RXYLT1: variants seen among roughly 807,000 people sequenced by gnomAD.
RXYLT1 encodes ribitol-5-phosphate xylosyltransferase 1.
Under a neutral mutation model 43.5 loss-of-function variants are expected in RXYLT1, and 41 were observed. The ratio of observed to expected loss-of-function variants is 0.94; its 90% CI spans 0.73 to 1.22. The LOEUF (loss-of-function observed/expected upper bound fraction) is 1.22, where lower values mean the gene tolerates loss of function less well. Ranked by LOEUF, RXYLT1 falls within the 50% of genes most tolerant of loss-of-function variation. The pLI is 0.00. For missense variants in RXYLT1, 514 were observed against 532.0 expected, an observed-to-expected ratio of 0.97 and a Z score of 0.33; for synonymous variants, 166 against 194.4, an observed-to-expected ratio of 0.85 and a Z score of 1.21.
intron 2 of RXYLT1, among the ~76,000 whole-genome samples, chr12:63,782,114 T>A (rs1897698460): frequency 6.6e-6 from 1 of 152,178 alleles, no homozygotes. Context: ...ATCTGATAAG[T>A]GCAAAGTGGC....
intron 2 of RXYLT1, among the ~76,000 whole-genome samples, chr12:63,783,978 C>T (rs1897745163): frequency 6.6e-6 from 1 of 152,068 alleles, no homozygotes; most frequent in Non-Finnish European, 1.5e-5. Context: ...TTATATATCC[C>T]TTGCCTCACT....
intron 1 of RXYLT1, 172 bp downstream of exon 1, chr12:63,780,301 A>G: frequency 5.9e-6 from 8 of 1,354,062 alleles, no homozygotes; most frequent in Non-Finnish European, 7.5e-6. Context: ...GAATTGGAGA[A>G]TGGTCCTCAT....
intron 3 of RXYLT1, among the ~76,000 whole-genome samples, chr12:63,792,615 T>G (rs1315206488): frequency 6.6e-6 from 1 of 152,220 alleles, no homozygotes; most frequent in Non-Finnish European, 1.5e-5. Flanking sequence ...TATTGTCTTA[T>G]TTTAAAATGG....
Position 63,802,362 on chromosome 12 carries a change from A to G in RXYLT1, c.700A>G (p.Ile234Val). The G allele has an allele frequency of 6.3e-7, 1 of 1,597,476 alleles. No individual in the cohort carries two copies. Among genetic ancestry groups the G allele is most frequent in the South Asian group, 1.1e-5 (1 of 89,204 alleles). ...LLFIIYDSPW[I>V]NDVDVFQWPL... ...TTTCATAATATATGACAGCCCCTGG[A>G]TTAATGACGTGGATGTTTTTCAGTG... Residue 234 changes from isoleucine (I) to valine (V), a missense_variant, in exon 4 of 6, where the codon ATT becomes GTT. Coordinates refer to ENST00000261234, the MANE Select transcript of RXYLT1 (RefSeq NM_014254.3).
chr12:63,781,048 A>G lies in RXYLT1; in HGVS notation c.199A>G (p.Asn67Asp), dbSNP rs1226821141. The change falls in exon 2 of 6, where the codon AAT (asparagine) becomes GAT (aspartate). Residue 67 changes from asparagine (N) to aspartate (D), a missense_variant. Transcript: ENST00000261234. ...GTCCACTTTGGAAAGTGAAGAATGG[A>G]ATCCTTGGGAAGGAGATGAAAAAAA... ...EQSTLESEEW[N>D]PWEGDEKNEQ... The G allele has an allele frequency of 6.2e-7, 1 of 1,606,006 alleles. No individual in the cohort carries two copies. Among genetic ancestry groups the G allele is most frequent in the Admixed American group, 1.7e-5 (1 of 58,420 alleles).
chr12:63,795,285 A>AAGAAGAAG (rs1565903311), intron 3 of RXYLT1, among the ~76,000 whole-genome samples: 13 of 150,170 alleles, frequency 8.7e-5, no homozygotes, highest in South Asian at 2.1e-4. Context: ...TGTCAAAAAA[A>AAGAAGAAG]AAGAAGAAGA....
Position 63,808,867 on chromosome 12 carries a change from C to T in RXYLT1, c.1107C>T (p.His369=), listed in dbSNP as rs746733953. ...AGNCGNTSVH[H]GAPLQLLKSM... ...ACTGTGGGAATACATCTGTGCACCA[C>T]GGTGCTCCTCTGCAGTTACTCAAGT... The change falls in exon 6 of 6, where the codon CAC becomes CAT. Residue 369 remains histidine, a synonymous_variant. Transcript: ENST00000261234. 8.1e-6 allele frequency: 13 copies of T among 1,614,156 alleles called. No homozygotes were observed. The East Asian group carries it at 8.9e-5, about 11-fold the overall frequency.
intron 1 of RXYLT1, chr12:63,780,379 A>G: frequency 7.8e-7 from 1 of 1,284,570 alleles, no homozygotes; most frequent in Non-Finnish European, 9.8e-7. Context: ...CACGCCTTTC[A>G]AACACGTGTT....
intron 3 of RXYLT1, among the ~76,000 whole-genome samples, chr12:63,795,286 AAG>A (rs1491504872): frequency 6.7e-4 from 90 of 133,772 alleles, no homozygotes; most frequent in Non-Finnish European, 1.1e-3. Context: ...GTCAAAAAAA[AAG>A]AAGAAGAAGA....
At chr12:63,805,503 T>C in intron 5 of RXYLT1, 99 bp downstream of exon 5, 1 of 1,162,334 alleles carries the variant, frequency 8.6e-7, no homozygotes, top group Non-Finnish European at 1.2e-6. Flanking sequence ...GTTAACTCTA[T>C]TTGTACCAAT....
chr12:63,787,019 C>T (rs1194164355), intron 3 of RXYLT1, among the ~76,000 whole-genome samples: 1 of 151,912 alleles, frequency 6.6e-6, no homozygotes, highest in East Asian at 1.9e-4. Flanking sequence ...GAGGCTGAGG[C>T]AAAAGAATCC....
chr12:63,785,046 G>T lies in RXYLT1; in HGVS notation c.402G>T (p.Lys134Asn). The T allele has an allele frequency of 6.2e-7, 1 of 1,613,808 alleles. No homozygotes were observed. Among genetic ancestry groups the T allele is most frequent in the Non-Finnish European group, 8.5e-7 (1 of 1,179,732 alleles). The change falls in exon 3 of 6, where the codon AAG becomes AAT. Residue 134 changes from lysine to asparagine, a missense_variant. By Grantham distance (94) the Lys-to-Asn change is moderately conservative (BLOSUM62 0). Coordinates refer to ENST00000261234, the MANE Select transcript of RXYLT1 (RefSeq NM_014254.3). ...SDVTAQWREG[K>N]SIVGRTQYSF... Reference sequence around the variant, plus strand: ...TGACTGCTCAATGGAGAGAAGGAAAGTCAATCGTAGGAAGAACACAGTACA... The same window carrying T: ...TGACTGCTCAATGGAGAGAAGGAAATTCAATCGTAGGAAGAACACAGTACA...
chr12:63,805,604 C>G (rs1898273424), intron 5 of RXYLT1, 200 bp downstream of exon 5: 1 of 432,830 alleles, frequency 2.3e-6, no homozygotes, highest in Admixed American at 4.2e-5. Flanking sequence ...GACTGTAGTC[C>G]ATCTTGAAGA....
intron 5 of RXYLT1, 116 bp downstream of exon 5, chr12:63,805,520 C>G (rs2136233474): frequency 1.0e-6 from 1 of 983,278 alleles, no homozygotes; most frequent in African/African-American, 1.7e-5. Flanking sequence ...CAATCTTTCC[C>G]CAGAAGATAC....
At chr12:63,793,957 C>T (rs118181745) in intron 3 of RXYLT1, among the ~76,000 whole-genome samples, 2,646 of 152,236 alleles carry the variant, frequency 0.017, 36 homozygotes, top group Non-Finnish European at 0.027. Context: ...AGAGAAATGC[C>T]GTTGCTTGAA....
intron 3 of RXYLT1, chr12:63,790,295 G>A (rs911827389): frequency 6.6e-6 from 1 of 152,192 alleles, no homozygotes; most frequent in African/African-American, 2.4e-5. Context: ...TTAATTATAT[G>A]TAGTGCTTTT....
At chr12:63,789,208 G>C (rs1393666198) in intron 3 of RXYLT1, among the ~76,000 whole-genome samples, 40 of 152,178 alleles carry the variant, frequency 2.6e-4, no homozygotes, top group Admixed American at 2.6e-3. Context: ...GGGCATTATA[G>C]GGTTAATAAT....
intron 3 of RXYLT1, among the ~76,000 whole-genome samples, chr12:63,792,885 C>A (rs1304914027): frequency 6.6e-6 from 1 of 152,138 alleles, no homozygotes. Flanking sequence ...ATATTCAATT[C>A]TATAATTTCA....
chr12:63,792,080 ACTCTTGACTAAGGGACTAT>A (rs2136225753), intron 3 of RXYLT1, among the ~76,000 whole-genome samples: 1 of 152,210 alleles, frequency 6.6e-6, no homozygotes, highest in East Asian at 1.9e-4. Flanking sequence ...CAAGCACTAC[ACTCTTGACTAAGGGACTAT>A]TTTGAGTAAG....
Sources: gnomAD v4.1 joint callset for allele counts (sites outside exome capture counted in the v4.1 genomes callset) on GRCh38, gnomAD v4.1.1 for gene constraint, MANE v1.5 for transcripts, NCBI Gene and HGNC (gene_info 2026-07-23, HGNC 2026-07-21) for gene names.